The following ENTREP2 variants were observed in gnomAD, a reference collection of about 807,000 sequenced individuals.
ENTREP2 encodes the protein endosomal transmembrane epsin interactor 2, also known as protein ENTREP2.
At chr15:29,550,936 A>T in the ENTREP2 span, among the ~76,000 whole-genome samples, 9 of 152,196 alleles carry the variant, frequency 5.9e-5, no homozygotes, top group African/African-American at 2.2e-4. Context: ...ACAGTCACAC[A>T]GCAAATATGA....
chr15:29,151,445 G>T, the ENTREP2 span, among the ~76,000 whole-genome samples: 3 of 152,204 alleles, frequency 2.0e-5, no homozygotes, highest in Non-Finnish European at 4.4e-5. Flanking sequence ...GATGTCCAGG[G>T]CTGCAGGAAT....
chr15:29,301,368 G>A, the ENTREP2 span, among the ~76,000 whole-genome samples: 1 of 152,322 alleles, frequency 6.6e-6, no homozygotes, highest in East Asian at 1.9e-4. Context: ...TGCTAAGGCA[G>A]AAGTACTTTT....
At chr15:29,237,815 T>C in the ENTREP2 span, among the ~76,000 whole-genome samples, 2 of 152,192 alleles carry the variant, frequency 1.3e-5, no homozygotes, top group South Asian at 2.1e-4. Context: ...GGTATTAGGT[T>C]GACGCAAAAG....
At chr15:29,217,877 C>T in the ENTREP2 span, among the ~76,000 whole-genome samples, 1 of 152,136 alleles carries the variant, frequency 6.6e-6, no homozygotes, top group African/African-American at 2.4e-5. Context: ...TGGGTAGGCT[C>T]TGTCAGAGGG....
chr15:29,147,998 A>G, the ENTREP2 span, among the ~76,000 whole-genome samples: 2 of 152,232 alleles, frequency 1.3e-5, no homozygotes, highest in Admixed American at 6.5e-5. Flanking sequence ...AGAAACATGA[A>G]TGAACCTTGA....
chr15:29,570,824 G>T, the ENTREP2 span: 1 of 374,452 alleles, frequency 2.7e-6, no homozygotes, highest in Non-Finnish European at 3.6e-6. Context: ...CGGGTGCAGG[G>T]ACGGCCTCCC....
the ENTREP2 span, among the ~76,000 whole-genome samples, chr15:29,359,129 C>T: frequency 2.0e-5 from 3 of 152,018 alleles, no homozygotes; most frequent in African/African-American, 4.8e-5. Flanking sequence ...CAGAAAGAGC[C>T]GCAGTGAATA....
the ENTREP2 span, among the ~76,000 whole-genome samples, chr15:29,244,684 C>G: frequency 1.3e-4 from 20 of 152,222 alleles, no homozygotes; most frequent in African/African-American, 4.8e-4. Flanking sequence ...GAAAAGTGAA[C>G]TGTGGCTTCT....
the ENTREP2 span, among the ~76,000 whole-genome samples, chr15:29,529,138 C>G: frequency 9.2e-4 from 43 of 46,506 alleles, no homozygotes; most frequent in Non-Finnish European, 1.5e-3. Context: ...TCTTGCATGT[C>G]CGGTCAAGGA....
At chr15:29,660,955 C>A in the ENTREP2 span, among the ~76,000 whole-genome samples, 2 of 152,106 alleles carry the variant, frequency 1.3e-5, no homozygotes, top group African/African-American at 2.4e-5. Flanking sequence ...TATCCTCTGG[C>A]AGTCCTGGAA....
chr15:29,623,576 T>C, the ENTREP2 span, among the ~76,000 whole-genome samples: 1 of 152,144 alleles, frequency 6.6e-6, no homozygotes, highest in African/African-American at 2.4e-5. Flanking sequence ...GTGGCAGAGA[T>C]GTCAACGCCA....
the ENTREP2 span, among the ~76,000 whole-genome samples, chr15:29,176,057 G>C: frequency 2.0e-5 from 3 of 152,256 alleles, no homozygotes; most frequent in African/African-American, 7.2e-5. Flanking sequence ...AAGAGACACT[G>C]GTAGGAAATA....
At chr15:29,269,684 G>C in the ENTREP2 span, 5 of 1,550,916 alleles carry the variant, frequency 3.2e-6, no homozygotes, top group African/African-American at 4.3e-5. Flanking sequence ...GAGCGGCCCC[G>C]GTTCCTCGGT....
the ENTREP2 span, among the ~76,000 whole-genome samples, chr15:29,362,469 G>A: frequency 6.7e-6 from 1 of 149,112 alleles, no homozygotes; most frequent in Non-Finnish European, 1.5e-5. Flanking sequence ...CCGCCTCCCG[G>A]GTTCAAGAGA....
chr15:29,614,015 A>C, the ENTREP2 span: 7,740 of 152,984 alleles, frequency 0.051, 234 homozygotes, highest in East Asian at 0.16. Context: ...AAGAGTCGCC[A>C]GCAGCTATTT....
the ENTREP2 span, among the ~76,000 whole-genome samples, chr15:29,293,992 C>G: frequency 6.6e-6 from 1 of 152,142 alleles, no homozygotes; most frequent in Non-Finnish European, 1.5e-5. Context: ...TTCTGATGCT[C>G]CCTGCAGCCT....
At chr15:29,278,487 T>C in the ENTREP2 span, among the ~76,000 whole-genome samples, 1 of 152,220 alleles carries the variant, frequency 6.6e-6, no homozygotes, top group African/African-American at 2.4e-5. Context: ...CTGCCAGGCT[T>C]CAAGGTTGGG....
the ENTREP2 span, among the ~76,000 whole-genome samples, chr15:29,177,013 T>C: frequency 6.6e-6 from 1 of 152,176 alleles, no homozygotes; most frequent in Non-Finnish European, 1.5e-5. Flanking sequence ...GCTCTGATAC[T>C]GCAGGGCCCA....
chr15:29,432,749 C>A, the ENTREP2 span, among the ~76,000 whole-genome samples: 5 of 152,204 alleles, frequency 3.3e-5, no homozygotes, highest in South Asian at 1.0e-3. Context: ...TAGCTTCACC[C>A]CTCCCCTCCT....
Sources: gnomAD v4.1 joint callset for allele counts (sites outside exome capture counted in the v4.1 genomes callset) on GRCh38, gnomAD v4.1.1 for gene constraint, MANE v1.5 for transcripts, NCBI Gene and HGNC (gene_info 2026-07-23, HGNC 2026-07-21) for gene names.